Variants in XKR6 observed in about 807,000 individuals in gnomAD.
XKR6 encodes the protein XK-related protein 6.
A neutral mutation model predicts 56.7 loss-of-function variants in XKR6; 22 were observed. The observed-to-expected ratio is 0.39, with a 90% CI of 0.28 to 0.55. XKR6 has a LOEUF of 0.55. XKR6 is among the 20% of genes least tolerant of loss of function. The probability of loss-of-function intolerance (pLI) is 0.66; values close to 1 mark genes in which losing one functional copy is unlikely to be tolerated. For missense variants in XKR6, 852 were observed against 889.0 expected (o/e 0.96, Z 0.53); for synonymous variants, 524 against 387.8 (o/e 1.35, Z -4.13).
At chr8:10,905,491 G>T (rs1199319711) in intron 2 of XKR6, among the ~76,000 whole-genome samples, 1 of 152,158 alleles carries the variant, frequency 6.6e-6, no homozygotes, top group South Asian at 2.1e-4. Flanking sequence ...GTGAAGAGAC[G>T]TGGATGTGGC....
intron 1 of XKR6, among the ~76,000 whole-genome samples, chr8:10,973,561 T>TTCTTTCTC (rs577856057): frequency 1.4e-4 from 21 of 152,158 alleles, no homozygotes; most frequent in African/African-American, 3.9e-4. Context: ...TGATCTTTCT[T>TTCTTTCTC]TCTTTCTCTC....
chr8:11,118,182 T>C (rs1390728476), intron 1 of XKR6, among the ~76,000 whole-genome samples: 1 of 152,186 alleles, frequency 6.6e-6, no homozygotes, highest in Non-Finnish European at 1.5e-5. Flanking sequence ...CTACTCTTAA[T>C]ATACAAAAAA....
intron 1 of XKR6, among the ~76,000 whole-genome samples, chr8:10,971,943 A>G (rs1802420970): frequency 6.6e-6 from 1 of 151,940 alleles, no homozygotes; most frequent in African/African-American, 2.4e-5. Flanking sequence ...TTGATTTCCA[A>G]AAATGGATTT....
intron 1 of XKR6, among the ~76,000 whole-genome samples, chr8:10,945,265 C>T (rs1289977588): frequency 6.6e-6 from 1 of 152,202 alleles, no homozygotes; most frequent in Non-Finnish European, 1.5e-5. Context: ...AGGCGGATCA[C>T]ACGAGGTCGG....
At chr8:11,152,883 T>C (rs1435424117) in intron 1 of XKR6, among the ~76,000 whole-genome samples, 2 of 152,304 alleles carry the variant, frequency 1.3e-5, no homozygotes. Flanking sequence ...TTACTTTCCA[T>C]AGTTCAGCAA....
chr8:11,135,741 A>G (rs1361728648), intron 1 of XKR6, among the ~76,000 whole-genome samples: 1 of 152,084 alleles, frequency 6.6e-6, no homozygotes, highest in Non-Finnish European at 1.5e-5. Flanking sequence ...TTAAAGAAGG[A>G]AAAGGAGAAA....
At chr8:10,960,667 G>C (rs534927142) in intron 1 of XKR6, among the ~76,000 whole-genome samples, 1 of 152,226 alleles carries the variant, frequency 6.6e-6, no homozygotes, top group Non-Finnish European at 1.5e-5. Context: ...CAAAGGATTT[G>C]TCCAGGGTCA....
Position 11,001,209 on chromosome 8 carries a change from C to A in XKR6, c.765-76379G>T, listed in dbSNP as rs538469017. On this transcript the variant is annotated intron_variant, in intron 1 of 2. Coordinates refer to ENST00000416569, the MANE Select transcript of XKR6 (RefSeq NM_173683.4). ...CAACCACAACTCAGTGAAGGAAGAA[C>A]TCCCCTTCCGATGGAGAAACAGAGG... Among the ~76,000 whole-genome samples the A allele has an allele frequency of 2.2e-4, 34 of 152,326 alleles. No homozygotes were observed. The Middle Eastern group carries it at 0.01, about 46-fold the overall frequency.
At chr8:11,150,079 G>C (rs930948022) in intron 1 of XKR6, among the ~76,000 whole-genome samples, 3 of 152,192 alleles carry the variant, frequency 2.0e-5, no homozygotes, top group Admixed American at 6.5e-5. Context: ...AGAGTTGGGT[G>C]GGGGAGAGGG....
chr8:10,915,862 G>A (rs1563287004), intron 2 of XKR6, among the ~76,000 whole-genome samples: 3 of 152,194 alleles, frequency 2.0e-5, no homozygotes, highest in South Asian at 2.1e-4. Flanking sequence ...TCTGTGCTGC[G>A]TCTCTCTCCA....
At chr8:10,927,926 C>A (rs528172280) in intron 1 of XKR6, among the ~76,000 whole-genome samples, 1 of 152,288 alleles carries the variant, frequency 6.6e-6, no homozygotes, top group East Asian at 1.9e-4. Context: ...GCACAGGCAC[C>A]TCTGGGACTG....
chr8:11,031,003 G>A (rs1470998566), intron 1 of XKR6, among the ~76,000 whole-genome samples: 1 of 152,202 alleles, frequency 6.6e-6, no homozygotes, highest in Non-Finnish European at 1.5e-5. Flanking sequence ...GGCAGAGTTG[G>A]TAGAGTGCAC....
At chr8:11,102,389 T>C (rs373641240) in intron 1 of XKR6, among the ~76,000 whole-genome samples, 3 of 152,144 alleles carry the variant, frequency 2.0e-5, no homozygotes, top group African/African-American at 4.8e-5. Context: ...ATCATCAATG[T>C]GCAAAAATAA....
intron 1 of XKR6, among the ~76,000 whole-genome samples, chr8:11,074,590 TC>T (rs1170284524): frequency 6.6e-6 from 1 of 152,150 alleles, no homozygotes. Context: ...AGTCCTTCAT[TC>T]CATCAACAAA....
chr8:11,062,597 C>A (rs1039120137), intron 1 of XKR6: 2 of 371,868 alleles, frequency 5.4e-6, no homozygotes, highest in Middle Eastern at 6.5e-4. Flanking sequence ...CAAGGGAGAG[C>A]TTCTAGTTAA....
At chr8:11,178,945 T>A (rs1230680979) in intron 1 of XKR6, among the ~76,000 whole-genome samples, 1 of 150,936 alleles carries the variant, frequency 6.6e-6, no homozygotes, top group African/African-American at 2.4e-5. Flanking sequence ...CAAGCTCAAA[T>A]AATCTTCCCG....
intron 1 of XKR6, among the ~76,000 whole-genome samples, chr8:11,112,738 C>G (rs1798967206): frequency 6.6e-6 from 1 of 152,218 alleles, no homozygotes; most frequent in South Asian, 2.1e-4. Flanking sequence ...AGAGCCCACA[C>G]ACATAAAATC....
chr8:11,047,074 C>A (rs981977417), intron 1 of XKR6, among the ~76,000 whole-genome samples: 16 of 152,180 alleles, frequency 1.1e-4, no homozygotes, highest in African/African-American at 3.9e-4. Context: ...GGAGCTCTAA[C>A]GCACAGCATG....
chr8:11,118,525 G>C (rs1026017895), intron 1 of XKR6, among the ~76,000 whole-genome samples: 1 of 152,110 alleles, frequency 6.6e-6, no homozygotes, highest in East Asian at 1.9e-4. Flanking sequence ...CTTCTTCCTG[G>C]TTTCGTCCTG....
Sources: gnomAD v4.1 joint callset for allele counts (sites outside exome capture counted in the v4.1 genomes callset) on GRCh38, gnomAD v4.1.1 for gene constraint, MANE v1.5 for transcripts, NCBI Gene and HGNC (gene_info 2026-07-23, HGNC 2026-07-21) for gene names.